ESRRG: variants seen among roughly 807,000 people sequenced by gnomAD.
ESRRG encodes estrogen related receptor gamma.
Under a neutral mutation model 44.0 loss-of-function variants are expected in ESRRG, and 13 were observed. The ratio of observed to expected loss-of-function variants is 0.30; its 90% CI spans 0.19 to 0.47. The LOEUF (loss-of-function observed/expected upper bound fraction) is 0.47. Among genes scored for constraint, ESRRG ranks in the 20% least tolerant of loss-of-function variants. The pLI is 1.00. For synonymous variants in ESRRG, 215 were observed against 214.6 expected (o/e 1.00, Z -0.02); for missense variants, 395 against 580.6 (o/e 0.68, Z 3.29).
At chr1:216,760,942 C>G (rs927955975) in intron 2 of ESRRG, among the ~76,000 whole-genome samples, 12 of 152,166 alleles carry the variant, frequency 7.9e-5, no homozygotes, top group Middle Eastern at 3.4e-3. Flanking sequence ...ACAGCAAAGA[C>G]AGGTGGACAT....
At chr1:216,684,865 A>T (rs372498060) in intron 1 of ESRRG, among the ~76,000 whole-genome samples, 2 of 152,254 alleles carry the variant, frequency 1.3e-5, no homozygotes, top group South Asian at 4.1e-4. Context: ...TTATTGAGGC[A>T]AATTAAGTGT....
intron 5 of ESRRG, among the ~76,000 whole-genome samples, chr1:216,558,194 T>A (rs898405249): frequency 6.6e-6 from 1 of 152,146 alleles, no homozygotes; most frequent in Non-Finnish European, 1.5e-5. Flanking sequence ...CCAGCAAGGG[T>A]AGCTGCAGAA....
intron 1 of ESRRG, among the ~76,000 whole-genome samples, chr1:216,957,003 T>G (rs1245715405): frequency 6.6e-6 from 1 of 152,200 alleles, no homozygotes; most frequent in Non-Finnish European, 1.5e-5. Flanking sequence ...ATGAAAAGCA[T>G]CATATCACTG....
At chr1:216,522,360 T>G (rs2046363062) in intron 5 of ESRRG, among the ~76,000 whole-genome samples, 1 of 149,124 alleles carries the variant, frequency 6.7e-6, no homozygotes, top group Non-Finnish European at 1.5e-5. Context: ...TCAAGTATAT[T>G]TCAGCTGATT....
intron 1 of ESRRG, among the ~76,000 whole-genome samples, chr1:217,083,125 T>G (rs2151519639): frequency 6.6e-6 from 1 of 152,382 alleles, no homozygotes; most frequent in African/African-American, 2.4e-5. Context: ...GATAATACAC[T>G]ATTTCACTCC....
At chr1:216,775,711 C>T (rs2093587784) in intron 2 of ESRRG, among the ~76,000 whole-genome samples, 1 of 151,524 alleles carries the variant, frequency 6.6e-6, no homozygotes, top group South Asian at 2.1e-4. Flanking sequence ...ACCACCATGC[C>T]TAGCTATTTT....
exon 1 of ESRRG, chr1:217,089,553 G>C (rs2092292534): frequency 6.6e-6 from 1 of 152,192 alleles, no homozygotes; most frequent in African/African-American, 2.4e-5. Flanking sequence ...GAGTCGTCGG[G>C]GATTTTAAAG....
intron 2 of ESRRG, among the ~76,000 whole-genome samples, chr1:216,810,681 C>T (rs988133673): frequency 7.7e-5 from 11 of 142,902 alleles, no homozygotes; most frequent in African/African-American, 2.8e-4. Flanking sequence ...GAAAGTAGAG[C>T]TAATTCTTAA....
intron 5 of ESRRG, among the ~76,000 whole-genome samples, chr1:216,527,503 C>A (rs556812687): frequency 2.0e-5 from 3 of 150,344 alleles, no homozygotes; most frequent in Non-Finnish European, 4.5e-5. Flanking sequence ...TTGTTTGTTC[C>A]TTTTCCCTTT....
chr1:216,582,650 A>G (rs1383245115), intron 3 of ESRRG, among the ~76,000 whole-genome samples: 1 of 152,172 alleles, frequency 6.6e-6, no homozygotes, highest in East Asian at 1.9e-4. Flanking sequence ...CATGTTGGCC[A>G]GGCTGGTCTA....
At chr1:216,784,867 G>A (rs563560793) in intron 2 of ESRRG, among the ~76,000 whole-genome samples, 2 of 151,872 alleles carry the variant, frequency 1.3e-5, no homozygotes, top group South Asian at 2.1e-4. Flanking sequence ...CATGCACTCC[G>A]ATTTTACATA....
At chr1:216,780,504 C>G (rs1374909106) in intron 2 of ESRRG, among the ~76,000 whole-genome samples, 1 of 151,968 alleles carries the variant, frequency 6.6e-6, no homozygotes, top group Non-Finnish European at 1.5e-5. Flanking sequence ...ATGTACTGAA[C>G]CCTTACGAAA....
intron 2 of ESRRG, among the ~76,000 whole-genome samples, chr1:216,795,882 G>A (rs924898004): frequency 1.1e-4 from 16 of 152,072 alleles, no homozygotes; most frequent in African/African-American, 3.9e-4. Context: ...AGAGTGCAGG[G>A]TAGTAATTGA....
chr1:217,074,609 G>C (rs1250036408), intron 1 of ESRRG, among the ~76,000 whole-genome samples: 2 of 152,070 alleles, frequency 1.3e-5, no homozygotes, highest in African/African-American at 2.4e-5. Context: ...AGGCCAAGGT[G>C]GGAGGACAGC....
At chr1:216,786,254 C>G (rs553568474) in intron 2 of ESRRG, among the ~76,000 whole-genome samples, 1 of 152,180 alleles carries the variant, frequency 6.6e-6, no homozygotes, top group East Asian at 1.9e-4. Flanking sequence ...AGACTTCCTT[C>G]CCTTCTGGCT....
At chr1:217,083,141 G>A (rs545863510) in intron 1 of ESRRG, among the ~76,000 whole-genome samples, 1 of 152,216 alleles carries the variant, frequency 6.6e-6, no homozygotes, top group Admixed American at 6.5e-5. Flanking sequence ...ACTCCAATAA[G>A]CAACAAAGGG....
intron 1 of ESRRG, among the ~76,000 whole-genome samples, chr1:217,008,318 CA>C (rs2078050259): frequency 6.6e-6 from 1 of 152,210 alleles, no homozygotes; most frequent in Non-Finnish European, 1.5e-5. Flanking sequence ...CCTCTGATTG[CA>C]AATGCAGAGC....
intron 5 of ESRRG, among the ~76,000 whole-genome samples, chr1:216,550,241 A>G (rs183407445): frequency 6.6e-6 from 1 of 152,238 alleles, no homozygotes; most frequent in African/African-American, 2.4e-5. Context: ...CGCAAATTGA[A>G]AATACTAAAA....
At chr1:217,110,462 T>C (rs772834874) in intron 1 of ESRRG, among the ~76,000 whole-genome samples, 4 of 152,208 alleles carry the variant, frequency 2.6e-5, no homozygotes, top group Non-Finnish European at 4.4e-5. Flanking sequence ...AGGAAATACC[T>C]GAGACTGGAT....
Sources: allele counts gnomAD v4.1 joint callset (sites outside exome capture counted in the v4.1 genomes callset), GRCh38; gene constraint gnomAD v4.1.1; transcripts MANE v1.5; gene names NCBI Gene and HGNC (gene_info 2026-07-23, HGNC 2026-07-21).